ZNF862: variants seen among roughly 807,000 people sequenced by gnomAD.
The protein encoded by ZNF862 is zinc finger protein 862.
A neutral mutation model predicts 91.1 loss-of-function variants in ZNF862; 64 were observed. That is an observed-to-expected ratio of 0.70 (90% CI 0.57 to 0.87). The LOEUF (loss-of-function observed/expected upper bound fraction) is 0.87, where lower values mean the gene tolerates loss of function less well. ZNF862 is among the 40% of genes least tolerant of loss of function. ZNF862 has a pLI of 0.00. For missense variants in ZNF862, 1,459 were observed against 1,528.0 expected (o/e 0.95, Z 0.75); for synonymous variants, 631 against 618.1 (o/e 1.02, Z -0.31).
intron 7 of ZNF862, 39 bp from the exon 8 acceptor site, chr7:149,864,070 G>A (rs2128943631): frequency 1.3e-6 from 2 of 1,539,064 alleles, no homozygotes; most frequent in African/African-American, 1.4e-5. Flanking sequence ...GGCGGTCACT[G>A]TCAGTCAGTC....
chr7:149,862,325 C>T lies in ZNF862; in HGVS notation c.3165C>T (p.Thr1055=). ...AMNRIRTDER[T]KLSNEVLNML... ...ACCGAATCAGGACCGATGAGAGGAC[C>T]AAGCTCTCCAACGAGGTGCTCAACA... is the stretch of plus-strand genomic sequence containing the variant. The change falls in exon 7 of 8, where the codon ACC becomes ACT. Residue 1055 remains threonine, a synonymous_variant. Transcript: ENST00000223210. The T allele has an allele frequency of 6.2e-7, 1 of 1,613,408 alleles. No individual in the cohort carries two copies.
chr7:149,850,340 T>G lies in ZNF862; in HGVS notation c.1117+2T>G, dbSNP rs1164791411. 1 of 1,607,626 alleles carries G rather than the reference T, an allele frequency of 6.2e-7. No individual in the cohort carries two copies. The highest frequency in any genetic ancestry group is 8.5e-7 in the Non-Finnish European group (1 of 1,176,104). On this transcript the variant is annotated splice_donor_variant, in intron 5 of 7. Coordinates refer to ENST00000223210, the MANE Select transcript of ZNF862 (RefSeq NM_001099220.3). LOFTEE classifies it high-confidence loss of function. This position sits in a 1 kb window ranked among gnomAD's most constrained non-coding sequence, Gnocchi z 4.2. Reference sequence around the variant, plus strand: ...ACTACGAGCTGTTGGCATCCTTGGGTAAAGACGCACCGAGCCTCTTATTCA... The same window carrying G: ...ACTACGAGCTGTTGGCATCCTTGGGGAAAGACGCACCGAGCCTCTTATTCA...
chr7:149,838,699 G>A (rs1010314503), intron 1 of ZNF862, 64 bp downstream of exon 1: 4 of 1,087,858 alleles, frequency 3.7e-6, no homozygotes, highest in Middle Eastern at 3.4e-4. Context: ...GGGCTCGGGC[G>A]AGGCGGGGCG....
rs79059832 is a variant in ZNF862, at chr7:149,843,182, C to G, written c.25-1443C>G. On this transcript the variant is annotated intron_variant, in intron 1 of 7. Transcript: ENST00000223210. ...TTTCTGCAGTCAACATGAGAAAAAT[C>G]TATTATAATAGTGACCGGTAAGAAT... Among the ~76,000 whole-genome samples, 1,031 of 152,246 alleles carry G rather than the reference C, an allele frequency of 6.8e-3. 15 individuals are homozygous for G. The highest frequency in any genetic ancestry group is 0.024 in the African/African-American group (978 of 41,526).
In ZNF862 at chr7:149,855,158, GACCCAGCAGGAGAGCGTGCCTGTGAGCTC is replaced by G. The variant is rs2128939466; in HGVS notation, c.1118-4261_1118-4233del. ...GAAAAATATTGTAGCTATACGTATA[GACCCAGCAGGAGAGCGTGCCTGTGAGCTC>G]ACAAGCATGCTGGAACACATGGGGC... On this transcript the variant is annotated intron_variant, in intron 5 of 7. Transcript: ENST00000223210. The surrounding 1 kb of genome is among the most constrained non-coding windows in gnomAD (Gnocchi z 4.1). 6.6e-6 allele frequency among the ~76,000 whole-genome samples: 1 copy of G among 152,338 alleles called. No individual in the cohort carries two copies. The highest frequency in any genetic ancestry group is 2.1e-4 in the South Asian group (1 of 4,832).
At position 149,867,239 on chromosome 7, in the gene ZNF862, C is replaced by G. The variant is rs573326314; in HGVS notation, c.*2955C>G. The G allele has an allele frequency of 4.6e-5, 7 of 152,160 alleles. No homozygotes were observed. Among genetic ancestry groups the G allele is most frequent in the African/African-American group, 9.7e-5 (4 of 41,406 alleles). The allele number at this position is 152,160 out of a possible 1,614,324, so 9.4% of individuals were successfully genotyped here. On this transcript the variant is annotated 3_prime_UTR_variant, in exon 8 of 8. Transcript: ENST00000223210. Reference sequence around the variant, plus strand: ...TGGAAGATACCTTAGAGTATGTGACCGCGCTCCAGACCCTTGCTTCTCTCT... The same window carrying G: ...TGGAAGATACCTTAGAGTATGTGACGGCGCTCCAGACCCTTGCTTCTCTCT...
Position 149,848,180 on chromosome 7 carries a change from C to A in ZNF862, c.687C>A (p.Ala229=). ...GAGACCCACCTGGAGATGTTCTGGC[C>A]AGCCCGGAGCCGCTCTTCACTGCAG... ...SIRDPPGDVL[A]SPEPLFTADC... is the part of the protein sequence containing the mutation. Residue 229 remains alanine, a synonymous_variant, in exon 4 of 8, where the codon GCC becomes GCA. Transcript: ENST00000223210. 1 of 1,613,992 alleles carries A rather than the reference C, an allele frequency of 6.2e-7. No homozygotes were observed.
At position 149,860,556 on chromosome 7, in the gene ZNF862, C is replaced by G. The variant is rs375719175; in HGVS notation, c.1396C>G (p.Gln466Glu). 1.9e-6 allele frequency: 3 copies of G among 1,613,906 alleles called. No homozygotes were observed. Among genetic ancestry groups the G allele is most frequent in the Non-Finnish European group, 2.5e-6 (3 of 1,179,896 alleles). ...IKRTYRPRSI[Q>E]RSWFGQFPWL... ...GAGGACATACAGGCCCCGTTCCATT[C>G]AGAGGTCATGGTTTGGGCAGTTCCC... The change falls in exon 7 of 8, where the codon CAG becomes GAG. Residue 466 changes from glutamine to glutamate, a missense_variant. By Grantham distance (29) the Gln-to-Glu change is conservative (BLOSUM62 2). Coordinates refer to ENST00000223210, the MANE Select transcript of ZNF862 (RefSeq NM_001099220.3).
intron 4 of ZNF862, among the ~76,000 whole-genome samples, chr7:149,849,384 G>T (rs1032980786): frequency 2.6e-5 from 4 of 152,164 alleles, no homozygotes; most frequent in African/African-American, 9.7e-5. Context: ...GTACTCTAGC[G>T]CCCACCTTAG....
Position 149,854,134 on chromosome 7 carries a change from C to T in ZNF862, c.1117+3796C>T, listed in dbSNP as rs578052274. Among the ~76,000 whole-genome samples the T allele has an allele frequency of 4.4e-4, 67 of 152,276 alleles. No individual in the cohort carries two copies. In the South Asian group the frequency reaches 0.013, roughly 29 times the overall value. The stretch of plus-strand genomic sequence containing the variant: ...AAAACAATTGCATCCTCCCGTTCAC[C>T]GCTGAGCGTGTCAGCTCTGGGGGCC... On this transcript the variant is annotated intron_variant, in intron 5 of 7. Transcript: ENST00000223210.
chr7:149,845,868 G>T (rs1801850803), intron 2 of ZNF862, among the ~76,000 whole-genome samples: 1 of 152,080 alleles, frequency 6.6e-6, no homozygotes, highest in South Asian at 2.1e-4. Flanking sequence ...GCCCCTCTCA[G>T]TATTTGGGTT....
At chr7:149,856,731 C>G (rs1160401440) in intron 5 of ZNF862, among the ~76,000 whole-genome samples, 2 of 152,178 alleles carry the variant, frequency 1.3e-5, no homozygotes, top group African/African-American at 4.8e-5. Context: ...TGAGATGTGC[C>G]TTTGTCTCTC....
rs1802716829 is a variant in ZNF862 at position 149,866,218 on chromosome 7, A to AC, written c.*1938dup. 1 of 151,920 alleles carries AC rather than the reference A, an allele frequency of 6.6e-6. No individual in the cohort carries two copies. Among genetic ancestry groups the AC allele is most frequent in the Non-Finnish European group, 1.5e-5 (1 of 67,996 alleles). 9.4% of individuals were successfully genotyped at this position (151,920 alleles called of 1,614,324 possible). On this transcript the variant is annotated 3_prime_UTR_variant, in exon 8 of 8. Transcript: ENST00000223210. ...CCCTGTGGGTCTGGCGGTCAGAGGG[A>AC]CCCCACAGGCCTGTGGTGCGGGAGC...
rs768472454 is a variant in ZNF862, at chr7:149,861,746, C to A, written c.2586C>A (p.Ile862=). 70 of 1,613,566 alleles carry A rather than the reference C, an allele frequency of 4.3e-5. No individual in the cohort carries two copies. Among genetic ancestry groups the A allele is most frequent in the Middle Eastern group, 3.3e-4 (2 of 6,062 alleles). Residue 862 remains isoleucine (I), a synonymous_variant, in exon 7 of 8, where the codon ATC becomes ATA. Coordinates refer to ENST00000223210, the MANE Select transcript of ZNF862 (RefSeq NM_001099220.3). This position sits in a 1 kb window ranked among gnomAD's most constrained non-coding sequence, Gnocchi z 6.7. ...RPLSEVCQKE[I]VLITEVNATL... Reference sequence around the variant, plus strand: ...TGTCCGAGGTGTGCCAGAAGGAGATCGTGCTGATTACAGAGGTGAACGCCA... The same window carrying A: ...TGTCCGAGGTGTGCCAGAAGGAGATAGTGCTGATTACAGAGGTGAACGCCA...
chr7:149,859,094 C>A (rs1284601986), intron 5 of ZNF862: 1 of 363,960 alleles, frequency 2.7e-6, no homozygotes, highest in East Asian at 7.0e-5. Flanking sequence ...GTGGGTGGCA[C>A]CTTCCACTTC....
Position 149,857,041 on chromosome 7 carries a change from TCTA to T in ZNF862, c.1118-2378_1118-2376del, listed in dbSNP as rs769449307. On this transcript the variant is annotated intron_variant, in intron 5 of 7. Transcript: ENST00000223210. ...GAATCTTTGAACATGACATATTTGT[TCTA>T]CTCTGAAAGCTTTTGAAATTGATTT... Among the ~76,000 whole-genome samples, 19 of 152,344 alleles carry T rather than the reference TCTA, an allele frequency of 1.2e-4. No homozygotes were observed. In the East Asian group the frequency reaches 2.1e-3, roughly 17 times the overall value.
At position 149,860,906 on chromosome 7, in the gene ZNF862, C is replaced by T. The variant is rs1802452938; in HGVS notation, c.1746C>T (p.Leu582=). 4.3e-6 allele frequency: 7 copies of T among 1,613,842 alleles called. No individual in the cohort carries two copies. Among genetic ancestry groups the T allele is most frequent in the Non-Finnish European group, 5.9e-6 (7 of 1,179,886 alleles). Residue 582 remains leucine (L), a synonymous_variant, in exon 7 of 8, where the codon CTC becomes CTT. Transcript: ENST00000223210. ...LNDFEKILQL[L]QSTGTVILGK... The stretch of plus-strand genomic sequence containing the variant: ...ACTTTGAGAAGATCCTGCAGCTCCT[C>T]CAAAGCACGGGGACCGTGATATTAG...
In ZNF862 at chr7:149,859,445, T is replaced by G. The variant is rs371190380; in HGVS notation, c.1141T>G (p.Leu381Val). ...SLGPAAAKPD[L>V]ISKLERRAAP... is the part of the protein sequence containing the mutation. ...AGGACCTGCCGCTGCCAAGCCAGACTTGATCTCCAAACTGGAGCGGAGGGC... is the reference window on the plus strand; with the variant it reads ...AGGACCTGCCGCTGCCAAGCCAGACGTGATCTCCAAACTGGAGCGGAGGGC... The change falls in exon 6 of 8, where the codon TTG becomes GTG. Residue 381 changes from leucine (L) to valine (V), a missense_variant. By Grantham distance (32) the Leu-to-Val change is conservative (BLOSUM62 1). Transcript: ENST00000223210. The G allele has an allele frequency of 1.4e-5, 22 of 1,585,166 alleles. No individual in the cohort carries two copies. The African/African-American group carries it at 1.9e-4, about 14-fold the overall frequency.
rs1381168340 is a variant in ZNF862 at position 149,866,320 on chromosome 7, C to G, written c.*2036C>G. Reference sequence around the variant, plus strand: ...CCCCATCACCGTCTCCATGGGCGTTCAGGAACTTGCCCAGGTCAGGCACTG... The same window carrying G: ...CCCCATCACCGTCTCCATGGGCGTTGAGGAACTTGCCCAGGTCAGGCACTG... On this transcript the variant is annotated 3_prime_UTR_variant, in exon 8 of 8. Transcript: ENST00000223210. The G allele has an allele frequency of 3.3e-5, 5 of 152,222 alleles. No individual in the cohort carries two copies. The highest frequency in any genetic ancestry group is 1.2e-4 in the African/African-American group (5 of 41,434). The allele number at this position is 152,222 out of a possible 1,614,324, so 9.4% of individuals were successfully genotyped here.
Sources: gnomAD v4.1 joint callset for allele counts (sites outside exome capture counted in the v4.1 genomes callset) on GRCh38, gnomAD v4.1.1 for gene constraint, Gnocchi (gnomAD v3.1) non-coding constraint, MANE v1.5 for transcripts, NCBI Gene and HGNC (gene_info 2026-07-23, HGNC 2026-07-21) for gene names.